Variants in RBFOX1 observed in about 807,000 individuals in gnomAD.
RBFOX1 encodes RNA binding fox-1 homolog 1.
In RBFOX1, 8 loss-of-function variants were observed where a neutral mutation model predicts 57.7. The ratio of observed to expected loss-of-function variants is 0.14; its 90% CI spans 0.08 to 0.25. The LOEUF (loss-of-function observed/expected upper bound fraction) is 0.25. Ranked by LOEUF, RBFOX1 falls within the 10% of genes least tolerant of loss-of-function variation. The pLI is 1.00. For synonymous variants in RBFOX1, 326 were observed against 222.4 expected (o/e 1.47, Z -4.15); for missense variants, 611 against 548.5 (o/e 1.11, Z -1.14).
chr16:5,719,534 G>A (rs1375348105), intron 3 of RBFOX1, among the ~76,000 whole-genome samples: 1 of 151,932 alleles, frequency 6.6e-6, no homozygotes, highest in African/African-American at 2.4e-5. Context: ...ACCAAAATAA[G>A]CTTCCCACCC....
At chr16:5,391,786 A>T (rs1043867650) in intron 1 of RBFOX1, among the ~76,000 whole-genome samples, 4 of 151,704 alleles carry the variant, frequency 2.6e-5, no homozygotes, top group African/African-American at 9.7e-5. Flanking sequence ...ATGCCCATCA[A>T]TTAATGAGTG....
At chr16:7,244,087 AT>A (rs1389609647) in intron 4 of RBFOX1, among the ~76,000 whole-genome samples, 1 of 151,898 alleles carries the variant, frequency 6.6e-6, no homozygotes, top group Non-Finnish European at 1.5e-5. Context: ...TAAAACTTTT[AT>A]TTTCTGTTTC....
At chr16:6,973,272 A>G (rs2086000027) in intron 3 of RBFOX1, among the ~76,000 whole-genome samples, 1 of 152,208 alleles carries the variant, frequency 6.6e-6, no homozygotes, top group Non-Finnish European at 1.5e-5. Flanking sequence ...AGTACTTGGA[A>G]TCAAGTTGAT....
At chr16:7,675,009 A>C (rs1336698729) in intron 13 of RBFOX1, among the ~76,000 whole-genome samples, 4 of 152,190 alleles carry the variant, frequency 2.6e-5, no homozygotes, top group African/African-American at 7.2e-5. Flanking sequence ...TCCAGAGAGA[A>C]ACACATTCAT....
intron 3 of RBFOX1, among the ~76,000 whole-genome samples, chr16:6,758,904 T>C (rs1160707207): frequency 1.3e-5 from 2 of 152,058 alleles, no homozygotes; most frequent in Non-Finnish European, 2.9e-5. Flanking sequence ...AGGTGACATG[T>C]GTTCAGGGAG....
chr16:6,455,108 T>C (rs2094736067), intron 2 of RBFOX1, among the ~76,000 whole-genome samples: 1 of 151,158 alleles, frequency 6.6e-6, no homozygotes, highest in Non-Finnish European at 1.5e-5. Context: ...TTAGCCAGGA[T>C]GGTCTCAATC....
At chr16:7,554,216 C>T (rs975480594) in intron 5 of RBFOX1, among the ~76,000 whole-genome samples, 1 of 152,156 alleles carries the variant, frequency 6.6e-6, no homozygotes, top group African/African-American at 2.4e-5. Flanking sequence ...TAGGATCGAG[C>T]TAGGGGAACA....
At chr16:7,336,398 G>A (rs1465952905) in intron 4 of RBFOX1, among the ~76,000 whole-genome samples, 2 of 152,168 alleles carry the variant, frequency 1.3e-5, no homozygotes, top group African/African-American at 2.4e-5. Flanking sequence ...TGGACAAATC[G>A]TTCCCATTTC....
intron 4 of RBFOX1, among the ~76,000 whole-genome samples, chr16:5,999,377 G>A (rs531608291): frequency 1.3e-5 from 2 of 152,160 alleles, no homozygotes; most frequent in African/African-American, 4.8e-5. Flanking sequence ...CTTCAGACCG[G>A]GTCAAACTCT....
intron 3 of RBFOX1, among the ~76,000 whole-genome samples, chr16:6,843,111 TTTC>T (rs1338341001): frequency 6.6e-6 from 1 of 152,208 alleles, no homozygotes; most frequent in Non-Finnish European, 1.5e-5. Context: ...AAATAGGTTG[TTTC>T]TTATTGTTGT....
chr16:6,363,901 G>A (rs1236337217), intron 2 of RBFOX1, among the ~76,000 whole-genome samples: 2 of 152,190 alleles, frequency 1.3e-5, no homozygotes, highest in African/African-American at 4.8e-5. Context: ...CTACATAGGT[G>A]AAGTATCTGA....
At chr16:6,100,364 A>G (rs1472480505) in intron 1 of RBFOX1, among the ~76,000 whole-genome samples, 3 of 152,240 alleles carry the variant, frequency 2.0e-5, no homozygotes, top group East Asian at 1.9e-4. Context: ...GGGTTTCACC[A>G]TGTTAGCCAG....
At chr16:6,447,492 T>C (rs760511712) in intron 2 of RBFOX1, among the ~76,000 whole-genome samples, 4 of 152,290 alleles carry the variant, frequency 2.6e-5, no homozygotes, top group Admixed American at 6.5e-5. Flanking sequence ...CTTTCAATCA[T>C]TTTAGTGCAC....
At chr16:5,945,204 T>C (rs891072795) in intron 4 of RBFOX1, among the ~76,000 whole-genome samples, 1 of 152,062 alleles carries the variant, frequency 6.6e-6, no homozygotes, top group Non-Finnish European at 1.5e-5. Context: ...TGCCAGGAAG[T>C]GAACAACTCA....
At chr16:6,593,336 G>A (rs1435637671) in intron 2 of RBFOX1, among the ~76,000 whole-genome samples, 1 of 152,116 alleles carries the variant, frequency 6.6e-6, no homozygotes, top group Non-Finnish European at 1.5e-5. Flanking sequence ...ATCAGTTCAG[G>A]CACTAAAAGA....
At chr16:5,882,922 T>C (rs770266895) in intron 4 of RBFOX1, among the ~76,000 whole-genome samples, 63 of 152,356 alleles carry the variant, frequency 4.1e-4, no homozygotes, top group Non-Finnish European at 9.0e-4. Flanking sequence ...TACATTTAAA[T>C]GAATATTTAA....
chr16:7,118,052 G>GT (rs1408303504), intron 4 of RBFOX1, among the ~76,000 whole-genome samples: 5 of 152,144 alleles, frequency 3.3e-5, no homozygotes, highest in Admixed American at 6.6e-5. Context: ...ATGCAGGTGT[G>GT]TTTTTTTATA....
intron 3 of RBFOX1, among the ~76,000 whole-genome samples, chr16:5,638,473 A>C (rs8057209): frequency 0.85 from 129,150 of 152,114 alleles, 55,291 homozygotes; most frequent in Non-Finnish European, 0.91. Context: ...ATTGCCTCTT[A>C]CTTTTCCCTC....
chr16:6,731,224 C>G (rs2068502412), intron 3 of RBFOX1, among the ~76,000 whole-genome samples: 1 of 152,188 alleles, frequency 6.6e-6, no homozygotes, highest in Non-Finnish European at 1.5e-5. Flanking sequence ...GAACTAAATC[C>G]AGATACTGAA....
Sources: allele counts gnomAD v4.1 joint callset (sites outside exome capture counted in the v4.1 genomes callset), GRCh38; gene constraint gnomAD v4.1.1; transcripts MANE v1.5; gene names NCBI Gene and HGNC (gene_info 2026-07-23, HGNC 2026-07-21).